Variants in NDST4 observed in about 807,000 individuals in gnomAD.
NDST4 encodes the protein N-deacetylase and N-sulfotransferase 4.
NDST4 carries 63 observed loss-of-function variants against 100.8 expected under a neutral mutation model. The observed-to-expected ratio is 0.62, with a 90% CI of 0.51 to 0.77. The LOEUF (loss-of-function observed/expected upper bound fraction) is 0.77, where lower values mean the gene tolerates loss of function less well. Ranked by LOEUF, NDST4 falls within the 30% of genes least tolerant of loss-of-function variation. The pLI, the probability that NDST4 is intolerant of heterozygous loss-of-function variation, is 0.00. For synonymous variants in NDST4, 377 were observed against 361.8 expected, an observed-to-expected ratio of 1.04 and a Z score of -0.48; for missense variants, 943 against 1,018.4, an observed-to-expected ratio of 0.93 and a Z score of 1.01.
At chr4:114,876,214 C>T (rs1241105352) in intron 6 of NDST4, among the ~76,000 whole-genome samples, 1 of 152,162 alleles carries the variant, frequency 6.6e-6, no homozygotes, top group East Asian at 1.9e-4. Flanking sequence ...TAAATATTAG[C>T]AGTCGGTTTC....
At chr4:115,099,957 T>C (rs1729696755) in intron 1 of NDST4, among the ~76,000 whole-genome samples, 1 of 152,132 alleles carries the variant, frequency 6.6e-6, no homozygotes, top group African/African-American at 2.4e-5. Context: ...GGTACATCTG[T>C]ACGGTGAAAT....
At chr4:114,998,241 C>T (rs1441601064) in intron 2 of NDST4, among the ~76,000 whole-genome samples, 1 of 152,134 alleles carries the variant, frequency 6.6e-6, no homozygotes, top group East Asian at 1.9e-4. Context: ...CACACTGTAA[C>T]TTTCTCTTTG....
At position 115,113,565 on chromosome 4, in the gene NDST4, T is replaced by G. The variant is rs745608999; in HGVS notation, c.-368A>C. The G allele has an allele frequency of 6.6e-6, 1 of 152,032 alleles. No individual in the cohort carries two copies. Among genetic ancestry groups the G allele is most frequent in the Admixed American group, 6.6e-5 (1 of 15,234 alleles). 9.4% of individuals were successfully genotyped at this position (152,032 alleles called of 1,614,324 possible). ...TTAATTAGAAGGAGCTTTCAGTTCA[T>G]GCAATCTGCCTCAACAATATTCCAA... On this transcript the variant is annotated 5_prime_UTR_variant, in exon 1 of 14. An upstream start codon of the reference 5' UTR is lost. Coordinates refer to ENST00000264363, the MANE Select transcript of NDST4 (RefSeq NM_022569.3).
At chr4:114,921,216 A>G (rs1376709985) in intron 6 of NDST4, among the ~76,000 whole-genome samples, 17 of 152,210 alleles carry the variant, frequency 1.1e-4, no homozygotes, top group Non-Finnish European at 2.5e-4. Flanking sequence ...CAAAGAAAAA[A>G]AATTGTTTAG....
At chr4:114,878,343 TA>T (rs1578360603) in intron 6 of NDST4, among the ~76,000 whole-genome samples, 2 of 152,348 alleles carry the variant, frequency 1.3e-5, no homozygotes, top group East Asian at 3.9e-4. Context: ...CCTTGACTGT[TA>T]AAAGGAAATC....
At chr4:114,962,510 T>C (rs1462986387) in intron 4 of NDST4, among the ~76,000 whole-genome samples, 1 of 152,000 alleles carries the variant, frequency 6.6e-6, no homozygotes, top group African/African-American at 2.4e-5. Context: ...TGTACTTCTA[T>C]ACAAAAAATT....
chr4:114,960,832 T>C (rs916900033), intron 4 of NDST4, among the ~76,000 whole-genome samples: 18 of 152,116 alleles, frequency 1.2e-4, no homozygotes, highest in Admixed American at 1.1e-3. Flanking sequence ...AGTAGAAAAA[T>C]GTCATAGAAG....
chr4:115,112,757 C>T (rs1395400507), intron 1 of NDST4, among the ~76,000 whole-genome samples: 1 of 151,848 alleles, frequency 6.6e-6, no homozygotes, highest in African/African-American at 2.4e-5. Flanking sequence ...TTATTCTGTG[C>T]TTGAGGAAAT....
At chr4:115,094,121 A>C (rs1729574750) in intron 1 of NDST4, among the ~76,000 whole-genome samples, 1 of 152,078 alleles carries the variant, frequency 6.6e-6, no homozygotes, top group Admixed American at 6.5e-5. Context: ...TTAAAAAAAT[A>C]AAAGAAAATT....
intron 2 of NDST4, among the ~76,000 whole-genome samples, chr4:115,060,305 T>G (rs1276452082): frequency 6.6e-6 from 1 of 151,950 alleles, no homozygotes; most frequent in Non-Finnish European, 1.5e-5. Context: ...TGGCAAAAGT[T>G]TCTAAGAAAG....
At chr4:115,000,112 T>C (rs1375557584) in intron 2 of NDST4, among the ~76,000 whole-genome samples, 2 of 151,704 alleles carry the variant, frequency 1.3e-5, no homozygotes, top group African/African-American at 4.8e-5. Flanking sequence ...TGTTTTGAAA[T>C]GTTAACTTGC....
intron 2 of NDST4, among the ~76,000 whole-genome samples, chr4:114,984,567 AG>A (rs1387230549): frequency 6.6e-6 from 1 of 152,320 alleles, no homozygotes; most frequent in East Asian, 1.9e-4. Context: ...CTCAATAAAA[AG>A]GTGTCTTATT....
chr4:114,863,815 G>A (rs1264037670), intron 7 of NDST4, among the ~76,000 whole-genome samples: 1 of 152,186 alleles, frequency 6.6e-6, no homozygotes, highest in African/African-American at 2.4e-5. Flanking sequence ...AACAAAGCAG[G>A]CAGAAGATTT....
intron 4 of NDST4, among the ~76,000 whole-genome samples, chr4:114,959,548 C>T (rs2389060): frequency 1.3e-5 from 2 of 152,094 alleles, no homozygotes; most frequent in Non-Finnish European, 2.9e-5. Flanking sequence ...ATAAGAAAAA[C>T]TTGTCCCCAT....
intron 7 of NDST4, among the ~76,000 whole-genome samples, chr4:114,865,696 AT>A (rs11396814): frequency 1.3e-5 from 2 of 152,032 alleles, no homozygotes; most frequent in East Asian, 1.9e-4. Flanking sequence ...TCTGCAAGTA[AT>A]TTTTTTTATG....
chr4:114,908,586 C>A (rs975776317), intron 6 of NDST4, among the ~76,000 whole-genome samples: 1 of 152,072 alleles, frequency 6.6e-6, no homozygotes, highest in Non-Finnish European at 1.5e-5. Flanking sequence ...TACTGATTAG[C>A]AGCTGCAGGG....
At chr4:115,056,925 A>C (rs1728707437) in intron 2 of NDST4, among the ~76,000 whole-genome samples, 1 of 152,164 alleles carries the variant, frequency 6.6e-6, no homozygotes, top group Non-Finnish European at 1.5e-5. Context: ...TAATAACAAC[A>C]GTAATAACAA....
At chr4:115,087,328 A>T (rs749806356) in intron 1 of NDST4, among the ~76,000 whole-genome samples, 1 of 152,098 alleles carries the variant, frequency 6.6e-6, no homozygotes, top group Non-Finnish European at 1.5e-5. Context: ...CAAGGCATTT[A>T]TCTGACATCC....
intron 2 of NDST4, among the ~76,000 whole-genome samples, chr4:115,019,499 G>A (rs10002221): frequency 0.093 from 14,190 of 152,136 alleles, 1,889 homozygotes; most frequent in African/African-American, 0.29. Flanking sequence ...TAAAATGCCC[G>A]GAGAATAATG....
Sources: allele counts gnomAD v4.1 joint callset (sites outside exome capture counted in the v4.1 genomes callset), GRCh38; gene constraint gnomAD v4.1.1; transcripts MANE v1.5; gene names NCBI Gene and HGNC (gene_info 2026-07-23, HGNC 2026-07-21).